Variants in ARID1A observed in about 807,000 individuals in gnomAD.
ARID1A encodes AT-rich interaction domain 1A, also known as AT-rich interactive domain-containing protein 1A.
ARID1A carries 20 observed loss-of-function variants against 212.6 expected under a neutral mutation model. The ratio of observed to expected loss-of-function variants is 0.09; its 90% CI spans 0.07 to 0.14. The LOEUF (loss-of-function observed/expected upper bound fraction) is 0.14. Among genes scored for constraint, ARID1A ranks in the 10% least tolerant of loss-of-function variants. The probability of loss-of-function intolerance (pLI) is 1.00; values close to 1 mark genes in which losing one functional copy is unlikely to be tolerated. For missense variants in ARID1A, 2,587 were observed against 3,059.0 expected, an observed-to-expected ratio of 0.85 and a Z score of 3.64; for synonymous variants, 1,376 against 1,222.1, an observed-to-expected ratio of 1.13 and a Z score of -2.63.
intron 1 of ARID1A, among the ~76,000 whole-genome samples, chr1:26,715,593 C>T (rs1204220663): frequency 2.0e-5 from 3 of 152,166 alleles, no homozygotes; most frequent in Non-Finnish European, 4.4e-5. Flanking sequence ...TGTGTCTTTG[C>T]GTACCATCAG....
chr1:26,762,109 A>G (rs2080997649), intron 6 of ARID1A, 43 bp from the exon 7 acceptor site: 1 of 1,535,324 alleles, frequency 6.5e-7, no homozygotes, highest in Admixed American at 2.0e-5. Flanking sequence ...ATTTGTTCGC[A>G]TTGTATAAAG....
At chr1:26,720,050 A>G (rs548421538) in intron 1 of ARID1A, among the ~76,000 whole-genome samples, 1 of 150,790 alleles carries the variant, frequency 6.6e-6, no homozygotes, top group African/African-American at 2.4e-5. Context: ...CAGGTGTTTG[A>G]GACCAGCCTG....
chr1:26,778,052 GA>G (rs2081152924), intron 19 of ARID1A: 1 of 146,092 alleles, frequency 6.8e-6, no homozygotes, highest in Non-Finnish European at 1.5e-5. Flanking sequence ...CTGGGCAACA[GA>G]GCGGGACTCT....
At position 26,731,291 on chromosome 1, in the gene ARID1A, A is replaced by C. The variant is rs772741483; in HGVS notation, c.1490A>C (p.Gln497Pro). Residue 497 changes from glutamine to proline, a missense_variant, in exon 3 of 20, where the codon CAA becomes CCA. Gln to Pro is a moderately conservative substitution (Grantham distance 76). Transcript: ENST00000324856. Reference sequence around the variant, plus strand: ...CCACCGTCCCAGACCCCTCATGCCCAACCTTCGTATCAGCAGCAGCCACAG... The same window carrying C: ...CCACCGTCCCAGACCCCTCATGCCCCACCTTCGTATCAGCAGCAGCCACAG... ...QQPPSQTPHA[Q>P]PSYQQQPQSQ... 5 of 1,613,534 alleles carry C rather than the reference A, an allele frequency of 3.1e-6. No individual in the cohort carries two copies. Among genetic ancestry groups the C allele is most frequent in the Admixed American group, 1.7e-5 (1 of 59,938 alleles).
intron 4 of ARID1A, among the ~76,000 whole-genome samples, chr1:26,754,497 G>T (rs547975140): frequency 1.3e-5 from 2 of 152,244 alleles, no homozygotes; most frequent in East Asian, 1.9e-4. Context: ...ATGGTGCTAG[G>T]GGGGATTCAT....
chr1:26,725,127 C>T (rs1205896571), intron 1 of ARID1A, among the ~76,000 whole-genome samples: 3 of 152,228 alleles, frequency 2.0e-5, no homozygotes, highest in Admixed American at 2.0e-4. Context: ...CAGTAATCTA[C>T]TCCTGTGGTT....
intron 4 of ARID1A, among the ~76,000 whole-genome samples, chr1:26,752,059 G>C (rs1372254004): frequency 6.6e-6 from 1 of 152,188 alleles, no homozygotes; most frequent in Admixed American, 6.5e-5. Flanking sequence ...AACCTTTCCT[G>C]GAGTAGTTTC....
intron 4 of ARID1A, among the ~76,000 whole-genome samples, chr1:26,740,916 GT>G (rs1310203444): frequency 6.6e-6 from 1 of 152,130 alleles, no homozygotes; most frequent in Non-Finnish European, 1.5e-5. Context: ...TGATTGACTG[GT>G]GGGCAGGGGG....
chr1:26,772,442 G>T (rs114872080), intron 12 of ARID1A, 58 bp from the exon 13 acceptor site: 2 of 1,610,332 alleles, frequency 1.2e-6, no homozygotes, highest in Non-Finnish European at 1.7e-6. Flanking sequence ...GTGTGTTTGT[G>T]TGAGAGTTAA....
intron 1 of ARID1A, 92 bp from the exon 2 acceptor site, chr1:26,729,559 T>A: frequency 7.0e-7 from 1 of 1,432,802 alleles, no homozygotes; most frequent in Non-Finnish European, 9.8e-7. Context: ...CTTTATAGCA[T>A]ACAGACTAAA....
At chr1:26,743,151 A>G (rs1482616665) in intron 4 of ARID1A, among the ~76,000 whole-genome samples, 11 of 152,140 alleles carry the variant, frequency 7.2e-5, no homozygotes, top group Non-Finnish European at 1.0e-4. Flanking sequence ...GGAGCCATCC[A>G]CAGCTCCCAG....
In ARID1A at chr1:26,696,387, A is replaced by G. The variant is rs1188154788; in HGVS notation, c.-17A>G. On this transcript the variant is annotated 5_prime_UTR_variant, in exon 1 of 20. Transcript: ENST00000324856. ...AAGACAGGGCCGGGTCTCTCCGCGG[A>G]CGAGACAGCGGGGATCATGGCCGCG... 2.5e-5 allele frequency: 31 copies of G among 1,248,084 alleles called. No individual in the cohort carries two copies. Among genetic ancestry groups the G allele is most frequent in the Non-Finnish European group, 3.1e-5 (31 of 998,164 alleles). 77.3% of individuals were successfully genotyped at this position (1,248,084 alleles called of 1,614,324 possible).
At chr1:26,697,631 C>T (rs1244122764) in intron 1 of ARID1A, 91 bp downstream of exon 1, 1 of 1,190,460 alleles carries the variant, frequency 8.4e-7, no homozygotes, top group East Asian at 3.2e-5. Context: ...TTGGGCTCCC[C>T]TCAGTCCCGG....
chr1:26,711,712 A>G (rs1161559614), intron 1 of ARID1A, among the ~76,000 whole-genome samples: 3 of 152,116 alleles, frequency 2.0e-5, no homozygotes, highest in Non-Finnish European at 4.4e-5. Flanking sequence ...TCTTTCTCTT[A>G]GTTCTTCGGC....
chr1:26,758,399 G>A (rs1376581512), intron 4 of ARID1A, among the ~76,000 whole-genome samples: 1 of 152,126 alleles, frequency 6.6e-6, no homozygotes, highest in African/African-American at 2.4e-5. Flanking sequence ...TGGGCAACAT[G>A]GCAGAATCCC....
intron 1 of ARID1A, among the ~76,000 whole-genome samples, chr1:26,712,551 C>T (rs1224331992): frequency 6.6e-6 from 1 of 151,964 alleles, no homozygotes; most frequent in African/African-American, 2.4e-5. Context: ...ATTAGCTGGG[C>T]CTGGTGGCAT....
At chr1:26,726,174 G>GTTTT (rs1297710813) in intron 1 of ARID1A, among the ~76,000 whole-genome samples, 1 of 107,362 alleles carries the variant, frequency 9.3e-6, no homozygotes, top group Non-Finnish European at 2.0e-5. Flanking sequence ...GTTTTTTTTT[G>GTTTT]TTTTTTTTTT....
intron 4 of ARID1A, chr1:26,752,836 T>TA (rs1293346535): frequency 6.6e-6 from 1 of 152,206 alleles, no homozygotes; most frequent in Non-Finnish European, 1.5e-5. Flanking sequence ...TGCACACACT[T>TA]ACTACAGGCA....
chr1:26,729,826 C>T lies in ARID1A; in HGVS notation c.1313C>T (p.Ala438Val), dbSNP rs776238347. Reference protein sequence around the residue: ...QRYPMTMQGRAQSAMGGLSYT... With the variant: ...QRYPMTMQGRVQSAMGGLSYT... ...TACCCGATGACCATGCAGGGCCGGGCGCAGAGTGCCATGGGCGGCCTCTCT... is the reference window on the plus strand; with the variant it reads ...TACCCGATGACCATGCAGGGCCGGGTGCAGAGTGCCATGGGCGGCCTCTCT... Residue 438 changes from alanine (A) to valine (V), a missense_variant, in exon 2 of 20, where the codon GCG becomes GTG. Ala to Val is a moderately conservative substitution (Grantham distance 64, BLOSUM62 0). Transcript: ENST00000324856. 5.0e-6 allele frequency: 8 copies of T among 1,614,078 alleles called. No individual in the cohort carries two copies. The highest frequency in any genetic ancestry group is 2.7e-5 in the African/African-American group (2 of 74,930).
Sources: gnomAD v4.1 joint callset for allele counts (sites outside exome capture counted in the v4.1 genomes callset) on GRCh38, gnomAD v4.1.1 for gene constraint, MANE v1.5 for transcripts, NCBI Gene and HGNC (gene_info 2026-07-23, HGNC 2026-07-21) for gene names.